The following ATAD3A variants were observed in gnomAD, a reference collection of about 807,000 sequenced individuals.
ATAD3A encodes ATPase family AAA domain containing 3A.
ATAD3A carries 46 observed loss-of-function variants against 73.8 expected under a neutral mutation model. The ratio of observed to expected loss-of-function variants is 0.62; its 90% CI spans 0.49 to 0.80. The LOEUF (loss-of-function observed/expected upper bound fraction) is 0.80. ATAD3A is among the 30% of genes least tolerant of loss of function. ATAD3A has a pLI of 0.00. For missense variants in ATAD3A, 705 were observed against 838.0 expected (o/e 0.84, Z 1.96); for synonymous variants, 319 against 350.0 (o/e 0.91, Z 0.99).
chr1:1,520,217 C>T lies in ATAD3A; in HGVS notation c.591C>T (p.Ala197=). Residue 197 remains alanine, a synonymous_variant, in exon 6 of 16, where the codon GCC becomes GCT. Transcript: ENST00000378756. The surrounding 1 kb of genome is among the most constrained non-coding windows in gnomAD (Gnocchi z 4.0). The part of the protein sequence containing the change: ...LRVEAEARAR[A]KAERENADII... ...TGGAGGCCGAGGCCCGGGCGCGCGC[C>T]AAGGCCGAGCGGGAGAATGCAGACA... 1.2e-6 allele frequency: 2 copies of T among 1,612,326 alleles called. No individual in the cohort carries two copies. Among genetic ancestry groups the T allele is most frequent in the Non-Finnish European group, 1.7e-6 (2 of 1,179,706 alleles).
chr1:1,520,481 A>G lies in ATAD3A; in HGVS notation c.681-67A>G, dbSNP rs963789759. 6.2e-7 allele frequency: 1 copy of G among 1,613,336 alleles called. No homozygotes were observed. The highest frequency in any genetic ancestry group is 1.3e-5 in the African/African-American group (1 of 74,940). On this transcript the variant is annotated intron_variant, in intron 6 of 15. Coordinates refer to ENST00000378756, the MANE Select transcript of ATAD3A (RefSeq NM_001170535.3). This position sits in a 1 kb window ranked among gnomAD's most constrained non-coding sequence, Gnocchi z 4.0. ...GCCGCCATGTCAGGGCCTCACCCTCAACCTGCTCTCGCTGCGTGGCACGGA... is the reference window on the plus strand; with the variant it reads ...GCCGCCATGTCAGGGCCTCACCCTCGACCTGCTCTCGCTGCGTGGCACGGA...
intron 14 of ATAD3A, 96 bp from the exon 15 acceptor site, chr1:1,529,127 G>A (rs1445102959): frequency 2.0e-6 from 3 of 1,533,420 alleles, no homozygotes; most frequent in Non-Finnish European, 2.7e-6. Context: ...GAGGATGTTT[G>A]GCGTGGGTGT....
At chr1:1,521,812 G>T (rs190186199) in intron 7 of ATAD3A, among the ~76,000 whole-genome samples, 2 of 152,318 alleles carry the variant, frequency 1.3e-5, no homozygotes, top group Admixed American at 1.3e-4. Context: ...CAGTTCTCCT[G>T]CCTCAGCCTC....
At chr1:1,522,925 T>C (rs757475305) in intron 8 of ATAD3A, 26 bp downstream of exon 8, 28 of 1,603,530 alleles carry the variant, frequency 1.7e-5, no homozygotes, top group South Asian at 2.2e-5. Flanking sequence ...TGGCCCTCCC[T>C]GAGTGCAGTT....
At chr1:1,513,758 C>A (rs1308722579) in intron 1 of ATAD3A, among the ~76,000 whole-genome samples, 1 of 152,086 alleles carries the variant, frequency 6.6e-6, no homozygotes, top group Admixed American at 6.5e-5. Flanking sequence ...GCAAGCCCGG[C>A]CCCTCCCGAC....
intron 15 of ATAD3A, among the ~76,000 whole-genome samples, chr1:1,532,152 A>G (rs1570360789): frequency 6.6e-6 from 1 of 152,142 alleles, no homozygotes; most frequent in African/African-American, 2.4e-5. Flanking sequence ...CTGCTTGGTC[A>G]GGGTGTATAA....
intron 8 of ATAD3A, 86 bp downstream of exon 8, chr1:1,522,985 C>T (rs1219560414): frequency 1.6e-4 from 250 of 1,540,708 alleles, no homozygotes; most frequent in South Asian, 1.1e-3. Context: ...CACACCCTCC[C>T]GTCCCTTCCC....
In ATAD3A at chr1:1,512,428, G is replaced by A; in HGVS notation, c.160G>A (p.Gly54Ser). ...KDKWSNFDPT[G>S]LERAAKAARE... ...CAAATGGAGCAACTTCGACCCCACC[G>A]GCCTGGAGCGCGCCGCCAAGGCGGC... The change falls in exon 1 of 16, where the codon GGC becomes AGC. Residue 54 changes from glycine (G) to serine (S), a missense_variant. Transcript: ENST00000378756. The A allele has an allele frequency of 3.3e-6, 4 of 1,224,926 alleles. No homozygotes were observed. The highest frequency in any genetic ancestry group is 7.0e-5 in the East Asian group (2 of 28,500). The allele number at this position is 1,224,926 out of a possible 1,614,324, so 75.9% of individuals were successfully genotyped here. A position where few individuals can be genotyped will look rare whatever the true frequency, so the allele number is the denominator to read the frequency against.
intron 15 of ATAD3A, among the ~76,000 whole-genome samples, chr1:1,533,222 G>T (rs557851633): frequency 6.6e-6 from 1 of 152,172 alleles, no homozygotes; most frequent in African/African-American, 2.4e-5. Flanking sequence ...GTCCTGGTGC[G>T]CTCCTGAGCA....
At chr1:1,526,428 C>T (rs779791432) in intron 12 of ATAD3A, 33 bp from the exon 13 acceptor site, 4 of 1,587,034 alleles carry the variant, frequency 2.5e-6, no homozygotes, top group South Asian at 1.1e-5. Flanking sequence ...GGCTTTGCTC[C>T]TGGTGCCTAA....
chr1:1,514,841 A>G (rs1274268218), intron 1 of ATAD3A, among the ~76,000 whole-genome samples: 1 of 152,102 alleles, frequency 6.6e-6, no homozygotes, highest in African/African-American at 2.4e-5. Flanking sequence ...GTCCCTGCCT[A>G]CTTTACGTGT....
At position 1,520,196 on chromosome 1, in the gene ATAD3A, G is replaced by A. The variant is rs775604443; in HGVS notation, c.570G>A (p.Glu190=). The A allele has an allele frequency of 2.0e-5, 33 of 1,611,952 alleles. No homozygotes were observed. The South Asian group carries it at 3.5e-4, about 17-fold the overall frequency. ...ACAAGAATGAGATGCTGCGAGTGGA[G>A]GCCGAGGCCCGGGCGCGCGCCAAGG... ...LRHKNEMLRV[E]AEARARAKAE... The change falls in exon 6 of 16, where the codon GAG becomes GAA. Residue 190 remains glutamate (E), a synonymous_variant. Transcript: ENST00000378756. This position sits in a 1 kb window ranked among gnomAD's most constrained non-coding sequence, Gnocchi z 4.0.
At chr1:1,524,443 G>C in intron 11 of ATAD3A, 46 bp downstream of exon 11, 1 of 1,540,946 alleles carries the variant, frequency 6.5e-7, no homozygotes, top group Non-Finnish European at 8.8e-7. Flanking sequence ...CTGCGGCCCA[G>C]CAGGCTGCCT....
intron 1 of ATAD3A, 61 bp from the exon 2 acceptor site, chr1:1,515,951 G>A (rs1296749806): frequency 3.1e-6 from 5 of 1,594,444 alleles, no homozygotes; most frequent in South Asian, 1.1e-5. Context: ...GCTGGTGTGC[G>A]TGCCTGCCCA....
intron 14 of ATAD3A, among the ~76,000 whole-genome samples, chr1:1,528,612 A>T (rs1185906724): frequency 6.6e-6 from 1 of 152,306 alleles, no homozygotes; most frequent in East Asian, 1.9e-4. Flanking sequence ...CCAGGTGATG[A>T]GGGGCCCTGG....
At chr1:1,533,816 G>A in intron 15 of ATAD3A, 110 bp from the exon 16 acceptor site, 1 of 1,410,266 alleles carries the variant, frequency 7.1e-7, no homozygotes, top group Non-Finnish European at 9.5e-7. Context: ...TTCACGCTCA[G>A]GCCATCCTGG....
chr1:1,525,618 G>T (rs1487587044), intron 12 of ATAD3A, among the ~76,000 whole-genome samples: 2 of 152,144 alleles, frequency 1.3e-5, no homozygotes, highest in Non-Finnish European at 2.9e-5. Context: ...GTTTCACCGT[G>T]TTAGCCAGGA....
rs1461116730 is a variant in ATAD3A at position 1,527,741 on chromosome 1, G to A, written c.1384G>A (p.Ala462Thr). 7.4e-6 allele frequency: 12 copies of A among 1,613,750 alleles called. No homozygotes were observed. The highest frequency in any genetic ancestry group is 1.1e-5 in the South Asian group (1 of 91,080). Residue 462 changes from alanine to threonine, a missense_variant, in exon 14 of 16, where the codon GCC (alanine) becomes ACC (threonine). Around this residue, in one of 5 missense-constraint regions of ATAD3A, gnomAD observed 252 missense variants for 278.5 expected, o/e 0.90. Transcript: ENST00000378756. ...ASNQPEQFDW[A>T]INDRINEMVH... ...CAACCAACCAGAGCAGTTCGACTGG[G>A]CCATCAATGACCGCATCAATGAGAT...
intron 1 of ATAD3A, 79 bp downstream of exon 1, chr1:1,512,552 C>T (rs1641235360): frequency 1.4e-6 from 2 of 1,387,754 alleles, no homozygotes; most frequent in Non-Finnish European, 1.9e-6. Context: ...CCTTGCCGCT[C>T]CTCGCCGCTG....
Sources: allele counts gnomAD v4.1 joint callset (sites outside exome capture counted in the v4.1 genomes callset), GRCh38; gene constraint gnomAD v4.1.1; regional missense constraint gnomAD v4.1.1; non-coding constraint Gnocchi (gnomAD v3.1); transcripts MANE v1.5; gene names NCBI Gene and HGNC (gene_info 2026-07-23, HGNC 2026-07-21).